Variants in GRIA2 observed in about 807,000 individuals in gnomAD.
GRIA2 encodes glutamate ionotropic receptor AMPA type subunit 2, also known as glutamate receptor 2.
GRIA2 carries 14 observed loss-of-function variants against 97.3 expected under a neutral mutation model. The ratio of observed to expected loss-of-function variants is 0.14; its 90% CI spans 0.10 to 0.23. The LOEUF (loss-of-function observed/expected upper bound fraction) is 0.23. GRIA2 is among the 10% of genes least tolerant of loss of function. The pLI, the probability that GRIA2 is intolerant of heterozygous loss-of-function variation, is 1.00. For synonymous variants in GRIA2, 412 were observed against 387.8 expected (o/e 1.06, Z -0.73); for missense variants, 558 against 1,069.8 (o/e 0.52, Z 6.67).
intron 14 of GRIA2, among the ~76,000 whole-genome samples, chr4:157,362,190 C>T (rs537895434): frequency 2.1e-4 from 32 of 152,198 alleles, no homozygotes; most frequent in African/African-American, 7.7e-4. Flanking sequence ...TGGTACACTG[C>T]AATTCTAAAC....
At chr4:157,283,086 T>C (rs2126818002) in intron 2 of GRIA2, among the ~76,000 whole-genome samples, 1 of 152,226 alleles carries the variant, frequency 6.6e-6, no homozygotes, top group South Asian at 2.1e-4. Context: ...TTTTCAAATA[T>C]AAATGCTTTT....
At position 157,336,662 on chromosome 4, in the gene GRIA2, G is replaced by A. The variant is rs1439789034; in HGVS notation, c.1759G>A (p.Glu587Lys). 1 of 1,612,982 alleles carries A rather than the reference G, an allele frequency of 6.2e-7. No individual in the cohort carries two copies. The highest frequency in any genetic ancestry group is 1.1e-5 in the South Asian group (1 of 91,046). The change falls in exon 11 of 16, where the codon GAA becomes AAA. Residue 587 changes from glutamate (E) to lysine (K), a missense_variant. Glu to Lys is a moderately conservative substitution (Grantham distance 56). Coordinates refer to ENST00000264426, the MANE Select transcript of GRIA2 (RefSeq NM_001083619.3). Reference sequence around the variant, plus strand: ...AGATGGAAGAGAAACACAAAGTAGTGAATCAACTAATGAATTTGGGATTTT... The same window carrying A: ...AGATGGAAGAGAAACACAAAGTAGTAAATCAACTAATGAATTTGGGATTTT... ...FEDGRETQSSESTNEFGIFNS... is the reference protein window; with the variant it reads ...FEDGRETQSSKSTNEFGIFNS...
intron 12 of GRIA2, among the ~76,000 whole-genome samples, chr4:157,349,234 T>C (rs1735896077): frequency 6.6e-6 from 1 of 152,168 alleles, no homozygotes; most frequent in Admixed American, 6.5e-5. Context: ...TTTATACTGA[T>C]ACTACAAGGG....
At chr4:157,268,568 T>C (rs1376336522) in intron 2 of GRIA2, among the ~76,000 whole-genome samples, 2 of 152,028 alleles carry the variant, frequency 1.3e-5, no homozygotes, top group African/African-American at 4.8e-5. Flanking sequence ...TCTGTTGCAA[T>C]GACATTTTAA....
At chr4:157,262,276 C>T (rs1731575272) in intron 2 of GRIA2, among the ~76,000 whole-genome samples, 1 of 151,972 alleles carries the variant, frequency 6.6e-6, no homozygotes. Flanking sequence ...GTTTGGTGAA[C>T]ACACCTAACT....
In GRIA2 at chr4:157,312,716, T is replaced by C. The variant is rs1168252450; in HGVS notation, c.507T>C (p.Ala169=). 2 of 1,611,422 alleles carry C rather than the reference T, an allele frequency of 1.2e-6. No individual in the cohort carries two copies. The highest frequency in any genetic ancestry group is 3.3e-5 in the Admixed American group (2 of 59,814). The change falls in exon 4 of 16, where the codon GCT becomes GCC. Residue 169 remains alanine (A), a synonymous_variant. Transcript: ENST00000264426. ...TGCAAGCTGTGCTGGATTCTGCTGC[T>C]GAAAAGAAATGGCAAGTGACTGCTA... ...STLQAVLDSA[A]EKKWQVTAIN... is the part of the protein sequence containing the mutation.
intron 2 of GRIA2, among the ~76,000 whole-genome samples, chr4:157,275,813 G>A (rs1732279101): frequency 6.6e-6 from 1 of 151,932 alleles, no homozygotes; most frequent in Non-Finnish European, 1.5e-5. Context: ...GATGCCTCCA[G>A]CTTTTTTCTT....
intron 2 of GRIA2, among the ~76,000 whole-genome samples, chr4:157,251,985 T>C (rs1189157438): frequency 1.3e-5 from 2 of 152,140 alleles, no homozygotes; most frequent in Non-Finnish European, 2.9e-5. Context: ...CCTTTTCCAC[T>C]TTGTTGCTTT....
intron 11 of GRIA2, among the ~76,000 whole-genome samples, chr4:157,340,687 T>C (rs2023531936): frequency 6.6e-6 from 1 of 151,948 alleles, no homozygotes; most frequent in African/African-American, 2.4e-5. Context: ...TCTTTGCTTG[T>C]AGCATTATTT....
At chr4:157,338,758 G>A (rs1394937789) in intron 11 of GRIA2, among the ~76,000 whole-genome samples, 1 of 151,864 alleles carries the variant, frequency 6.6e-6, no homozygotes, top group Admixed American at 6.6e-5. Flanking sequence ...AACATTTGAG[G>A]TACATATCTT....
intron 5 of GRIA2, among the ~76,000 whole-genome samples, chr4:157,318,202 C>T (rs535322326): frequency 3.3e-5 from 5 of 152,116 alleles, no homozygotes; most frequent in African/African-American, 1.2e-4. Context: ...GTTTAATTGT[C>T]CACATATTCC....
At position 157,335,709 on chromosome 4, in the gene GRIA2, G is replaced by A. The variant is rs1223241636; in HGVS notation, c.1305G>A (p.Met435Ile). The change falls in exon 10 of 16, where the codon ATG (methionine) becomes ATA (isoleucine). Residue 435 changes from methionine to isoleucine, a missense_variant. Coordinates refer to ENST00000264426, the MANE Select transcript of GRIA2 (RefSeq NM_001083619.3). Reference protein sequence around the residue: ...PYVMMKKNHEMLEGNERYEGY... With the variant: ...PYVMMKKNHEILEGNERYEGY... ...TTATGATGAAGAAAAATCATGAAAT[G>A]CTTGAAGGCAATGAGCGCTATGAGG... The A allele has an allele frequency of 6.2e-7, 1 of 1,611,954 alleles. No homozygotes were observed. Among genetic ancestry groups the A allele is most frequent in the African/African-American group, 1.3e-5 (1 of 74,922 alleles).
Position 157,220,835 on chromosome 4 carries a change from G to GGGGACA in GRIA2, c.-204_-199dup, listed in dbSNP as rs2126667217. The GGGGACA allele has an allele frequency of 1.7e-6, 1 of 576,290 alleles. No homozygotes were observed. Among genetic ancestry groups the GGGGACA allele is most frequent in the African/African-American group, 1.9e-5 (1 of 53,198 alleles). 35.7% of individuals were successfully genotyped at this position (576,290 alleles called of 1,614,324 possible). On this transcript the variant is annotated 5_prime_UTR_variant, in exon 1 of 16. Coordinates refer to ENST00000264426, the MANE Select transcript of GRIA2 (RefSeq NM_001083619.3). ...AGCCAGTCCTCCGGACTTCTGGAGC[G>GGGGACA]GGGACAGGGCGCAGGGCATCAGCAG...
In GRIA2 at chr4:157,352,793, C is replaced by A. The variant is rs1048429863; in HGVS notation, c.2044-7103C>A. Among the ~76,000 whole-genome samples, 22 of 151,554 alleles carry A rather than the reference C, an allele frequency of 1.5e-4. No individual in the cohort carries two copies. In the East Asian group the frequency reaches 2.1e-3, roughly 15 times the overall value. On this transcript the variant is annotated intron_variant, in intron 12 of 15. Transcript: ENST00000264426. ...ATAGGCCCGGCATGGTGGTGCACAC[C>A]CATAATCCCAGCACTTTAAAAGGCT...
intron 3 of GRIA2, among the ~76,000 whole-genome samples, chr4:157,305,670 A>G (rs547534300): frequency 6.6e-6 from 1 of 151,522 alleles, no homozygotes; most frequent in African/African-American, 2.4e-5. Flanking sequence ...ACTAATTCTT[A>G]CTCCTCCTTG....
chr4:157,259,414 GA>G (rs1731427266), intron 2 of GRIA2, among the ~76,000 whole-genome samples: 1 of 152,042 alleles, frequency 6.6e-6, no homozygotes, highest in Admixed American at 6.6e-5. Context: ...CTTTAGCTAT[GA>G]AAGTAGTTAA....
intron 4 of GRIA2, among the ~76,000 whole-genome samples, chr4:157,316,917 C>CAT (rs1560762866): frequency 6.6e-6 from 1 of 152,170 alleles, no homozygotes; most frequent in East Asian, 1.9e-4. Flanking sequence ...TGATACAGAT[C>CAT]ATTCAAAAGT....
At chr4:157,344,455 G>T (rs1013173100) in intron 12 of GRIA2, among the ~76,000 whole-genome samples, 3 of 152,014 alleles carry the variant, frequency 2.0e-5, no homozygotes, top group Non-Finnish European at 4.4e-5. Flanking sequence ...AAGGGTTATG[G>T]GTGAAGTGGG....
intron 2 of GRIA2, among the ~76,000 whole-genome samples, chr4:157,292,589 C>T (rs899759211): frequency 5.3e-5 from 8 of 151,808 alleles, no homozygotes; most frequent in Admixed American, 6.6e-5. Flanking sequence ...AAAATAGGGG[C>T]TTTACATATG....
Sources: allele counts gnomAD v4.1 joint callset (sites outside exome capture counted in the v4.1 genomes callset), GRCh38; gene constraint gnomAD v4.1.1; transcripts MANE v1.5; gene names NCBI Gene and HGNC (gene_info 2026-07-23, HGNC 2026-07-21).